Variants in SESN1 observed in about 807,000 individuals in gnomAD.
The protein encoded by SESN1 is sestrin-1.
In SESN1, 30 loss-of-function variants were observed where a neutral mutation model predicts 59.3. The observed-to-expected ratio is 0.51, with a 90% confidence interval of 0.38 to 0.69. The LOEUF (loss-of-function observed/expected upper bound fraction) is 0.69, where lower values mean the gene tolerates loss of function less well. Among genes scored for constraint, SESN1 ranks in the 30% least tolerant of loss-of-function variants. SESN1 has a pLI of 0.00. For synonymous variants in SESN1, 197 were observed against 219.9 expected, an observed-to-expected ratio of 0.90 and a Z score of 0.92; for missense variants, 566 against 673.0, an observed-to-expected ratio of 0.84 and a Z score of 1.76.
intron 1 of SESN1, among the ~76,000 whole-genome samples, chr6:109,082,554 C>T (rs1181159404): frequency 6.6e-6 from 1 of 152,152 alleles, no homozygotes; most frequent in Non-Finnish European, 1.5e-5. Flanking sequence ...TGGGTCTCTC[C>T]ATGTGCACTT....
rs146922968 is a variant in SESN1, at chr6:109,002,337, C to G, written c.286G>C (p.Gly96Arg). ...CCTAGTGGTCGAGGAATTCTAATGC[C>G]AAGTTCCTAGAAAAGAAAATTACAC... ...EFILKSIQEL[G>R]IRIPRPLGQG... Residue 96 changes from glycine (G) to arginine (R), a missense_variant, in exon 2 of 10, where the codon GGC becomes CGC. Transcript: ENST00000436639. The G allele has an allele frequency of 9.9e-6, 16 of 1,612,822 alleles. No individual in the cohort carries two copies. In the African/African-American group the frequency reaches 1.3e-4, roughly 13 times the overall value.
At position 109,002,428 on chromosome 6, in the gene SESN1, A is replaced by G. The variant is rs1363458275; in HGVS notation, c.280-85T>C. 2.2e-5 allele frequency: 22 copies of G among 1,006,446 alleles called. 1 individual carries two copies. 62.3% of individuals were successfully genotyped at this position (1,006,446 alleles called of 1,614,324 possible). On this transcript the variant is annotated intron_variant, in intron 1 of 9. Coordinates refer to ENST00000436639, the MANE Select transcript of SESN1 (RefSeq NM_014454.3). Reference sequence around the variant, plus strand: ...AAAGGAATGGGAGGGAAAAACAACCAGTCGAACAGAGACAGGCTTGTTTTG... The same window carrying G: ...AAAGGAATGGGAGGGAAAAACAACCGGTCGAACAGAGACAGGCTTGTTTTG...
At chr6:108,989,518 G>GAGAT (rs1157991584) in intron 8 of SESN1, among the ~76,000 whole-genome samples, 4 of 139,854 alleles carry the variant, frequency 2.9e-5, no homozygotes, top group Admixed American at 7.0e-5. Context: ...TATATATATA[G>GAGAT]AGAGATATCT....
chr6:109,005,022 G>C (rs1779705246), intron 1 of SESN1, among the ~76,000 whole-genome samples: 1 of 152,148 alleles, frequency 6.6e-6, no homozygotes, highest in African/African-American at 2.4e-5. Flanking sequence ...TTGTAATAGT[G>C]ATCAAAATTA....
At chr6:109,075,581 C>G (rs949556357) in intron 1 of SESN1, among the ~76,000 whole-genome samples, 2 of 152,162 alleles carry the variant, frequency 1.3e-5, no homozygotes, top group African/African-American at 2.4e-5. Context: ...GGCCCTCAAT[C>G]CATTAGCCTG....
chr6:109,084,783 T>C (rs1387436698), intron 1 of SESN1, among the ~76,000 whole-genome samples: 3 of 152,206 alleles, frequency 2.0e-5, no homozygotes, highest in Non-Finnish European at 2.9e-5. Context: ...GATTTCTTTA[T>C]ATAAAAGACA....
chr6:109,006,789 C>A (rs1208733182), intron 1 of SESN1, among the ~76,000 whole-genome samples: 1 of 152,120 alleles, frequency 6.6e-6, no homozygotes, highest in East Asian at 1.9e-4. Flanking sequence ...CTAGTAGATG[C>A]TGATCAAAAA....
chr6:109,070,396 T>C, intron 1 of SESN1, among the ~76,000 whole-genome samples: 1 of 151,918 alleles, frequency 6.6e-6, no homozygotes, highest in East Asian at 1.9e-4. Context: ...ACAAGGCCCA[T>C]GTACGCAACC....
chr6:108,988,084 A>G (rs4470881), intron 9 of SESN1, among the ~76,000 whole-genome samples: 28,384 of 152,022 alleles, frequency 0.19, 3,159 homozygotes, highest in African/African-American at 0.31. Context: ...GTGAGCCACC[A>G]TACCTGGCCT....
chr6:109,052,985 G>A (rs1291115482), intron 1 of SESN1, among the ~76,000 whole-genome samples: 1 of 152,048 alleles, frequency 6.6e-6, no homozygotes, highest in African/African-American at 2.4e-5. Context: ...TAAATGTTAG[G>A]AATAAGAGGT....
At chr6:109,009,603 C>T in intron 1 of SESN1, 3 of 1,039,300 alleles carry the variant, frequency 2.9e-6, no homozygotes, top group South Asian at 4.6e-5. Flanking sequence ...CCCCGCCCCG[C>T]GCCCGTCATT....
intron 1 of SESN1, among the ~76,000 whole-genome samples, chr6:109,025,745 G>C (rs946557198): frequency 2.6e-5 from 4 of 151,890 alleles, no homozygotes; most frequent in African/African-American, 9.7e-5. Flanking sequence ...TAGTAAACTA[G>C]AAAGTAAATC....
intron 4 of SESN1, 109 bp downstream of exon 4, chr6:109,000,382 G>C: frequency 1.3e-6 from 1 of 756,578 alleles, no homozygotes; most frequent in Non-Finnish European, 2.0e-6. Context: ...GAGATTCAGG[G>C]GGTAGAAAAT....
chr6:109,072,399 T>C (rs189946375), intron 1 of SESN1, among the ~76,000 whole-genome samples: 269 of 152,288 alleles, frequency 1.8e-3, no homozygotes, highest in Middle Eastern at 3.4e-3. Flanking sequence ...ATAACTCCAG[T>C]CCTTGAGAAA....
chr6:109,053,986 T>C (rs572837878), intron 1 of SESN1, among the ~76,000 whole-genome samples: 6 of 152,286 alleles, frequency 3.9e-5, no homozygotes, highest in Middle Eastern at 3.4e-3. Flanking sequence ...TTCATCTTTA[T>C]TTTGGAATTA....
chr6:109,050,388 TA>T (rs571788136), intron 1 of SESN1, among the ~76,000 whole-genome samples: 3,254 of 133,906 alleles, frequency 0.024, 83 homozygotes, highest in African/African-American at 0.065. Context: ...TTTAAATTGT[TA>T]AAAAAAAAAA....
intron 1 of SESN1, among the ~76,000 whole-genome samples, chr6:109,087,315 G>GA (rs1031153179): frequency 6.6e-6 from 1 of 150,612 alleles, no homozygotes; most frequent in Non-Finnish European, 1.5e-5. Context: ...GTCAGAAAGT[G>GA]AAAAAAAATT....
At chr6:109,032,625 G>T (rs898555118) in intron 1 of SESN1, among the ~76,000 whole-genome samples, 5 of 151,538 alleles carry the variant, frequency 3.3e-5, no homozygotes, top group Admixed American at 1.3e-4. Context: ...CTCGTGGGGG[G>T]AGTGGGGGGG....
At position 109,001,418 on chromosome 6, in the gene SESN1, C is replaced by T. The variant is rs371591680; in HGVS notation, c.416G>A (p.Arg139His). ...CATCACTAACGTAATGTTATCCAAA[C>T]GGCCCAAAGCAGCAAAAGAATCTGC... ...LFADSFAALG[R>H]LDNITLVMVF... is the part of the protein sequence containing the mutation. Residue 139 changes from arginine to histidine, a missense_variant, in exon 3 of 10, where the codon CGT (arginine) becomes CAT (histidine). Physicochemically the swap from Arg to His is conservative, Grantham distance 29 (BLOSUM62 0). Transcript: ENST00000436639. The T allele has an allele frequency of 2.8e-5, 45 of 1,613,632 alleles. No individual in the cohort carries two copies. The highest frequency in any genetic ancestry group is 1.6e-4 in the Middle Eastern group (1 of 6,084).
Sources: allele counts gnomAD v4.1 joint callset (sites outside exome capture counted in the v4.1 genomes callset), GRCh38; gene constraint gnomAD v4.1.1; transcripts MANE v1.5; gene names NCBI Gene and HGNC (gene_info 2026-07-23, HGNC 2026-07-21).